POLR2D: variants seen among roughly 807,000 people sequenced by gnomAD.
POLR2D encodes RNA polymerase II subunit D.
A neutral mutation model predicts 17.6 loss-of-function variants in POLR2D; 10 were observed. That is an observed-to-expected ratio of 0.57 (90% confidence interval 0.35 to 0.96). The LOEUF is 0.96. POLR2D is among the 40% of genes least tolerant of loss of function. POLR2D has a pLI of 0.02. For missense variants in POLR2D, 126 were observed against 176.4 expected (o/e 0.71, Z 1.62); for synonymous variants, 52 against 60.2 (o/e 0.86, Z 0.63).
intron 2 of POLR2D, among the ~76,000 whole-genome samples, chr2:127,851,758 T>C (rs762796701): frequency 6.6e-6 from 1 of 152,172 alleles, no homozygotes; most frequent in African/African-American, 2.4e-5. Flanking sequence ...TATCTATCTA[T>C]AGGCTGGACA....
chr2:127,850,242 AC>A (rs768862306), intron 3 of POLR2D, among the ~76,000 whole-genome samples: 1 of 151,996 alleles, frequency 6.6e-6, no homozygotes, highest in African/African-American at 2.4e-5. Context: ...GGAGTTCGCG[AC>A]TAGCCTGACC....
At chr2:127,853,132 C>A in intron 1 of POLR2D, 27 bp from the exon 2 acceptor site, 1 of 1,565,426 alleles carries the variant, frequency 6.4e-7, no homozygotes, top group Non-Finnish European at 8.7e-7. Flanking sequence ...TAAATGGCAG[C>A]TGAAAATACT....
chr2:127,849,433 C>T (rs976920507), intron 3 of POLR2D, among the ~76,000 whole-genome samples: 50 of 152,262 alleles, frequency 3.3e-4, no homozygotes, highest in African/African-American at 1.2e-3. Flanking sequence ...CCACCATCCT[C>T]AATTTAGTAT....
Position 127,858,012 on chromosome 2 carries a change from C to G in POLR2D, c.73+16G>C. On this transcript the variant is annotated intron_variant, in intron 1 of 3. Transcript: ENST00000272645. ...CGCGAAGTGGCGCGGGGGAGTCTGG[C>G]AGCCCCGAGCCCAACCTTTAGGAAA... is the stretch of plus-strand genomic sequence containing the variant. 1.9e-6 allele frequency: 3 copies of G among 1,577,470 alleles called. No homozygotes were observed. Among genetic ancestry groups the G allele is most frequent in the Non-Finnish European group, 2.6e-6 (3 of 1,164,586 alleles).
intron 1 of POLR2D, chr2:127,857,779 G>A (rs889027821): frequency 2.3e-6 from 3 of 1,287,148 alleles, no homozygotes; most frequent in Admixed American, 4.3e-5. Flanking sequence ...CTGAGTGTCC[G>A]GCTTTGTTTA....
intron 1 of POLR2D, among the ~76,000 whole-genome samples, chr2:127,855,802 T>TAC (rs3836128): frequency 0.027 from 4,101 of 151,298 alleles, 80 homozygotes; most frequent in South Asian, 0.065. Context: ...CGCGCGCACA[T>TAC]ACACACACAC....
At position 127,852,950 on chromosome 2, in the gene POLR2D, T is replaced by C. The variant is rs1425292093; in HGVS notation, c.229A>G (p.Arg77Gly). The change falls in exon 2 of 4, where the codon AGA (arginine) becomes GGA (glycine). Residue 77 changes from arginine (R) to glycine (G), a missense_variant. Arg to Gly is a moderately radical substitution (Grantham distance 125). Around this residue, in one of 2 missense-constraint regions of POLR2D, gnomAD observed 85 missense variants for 151.4 expected, o/e 0.56. Transcript: ENST00000272645. The surrounding 1 kb of genome is among the most constrained non-coding windows in gnomAD (Gnocchi z 4.0). Reference sequence around the variant, plus strand: ...CTACGAACACTGGCAATGGTCTCTCTGTTTTTGAAACGACTGAAACGGGCT... The same window carrying C: ...CTACGAACACTGGCAATGGTCTCTCCGTTTTTGAAACGACTGAAACGGGCT... ...YTARFSRFKN[R>G]ETIASVRSLL... The C allele has an allele frequency of 3.7e-6, 6 of 1,613,880 alleles. No individual in the cohort carries two copies. The highest frequency in any genetic ancestry group is 4.2e-6 in the Non-Finnish European group (5 of 1,179,894).
chr2:127,845,645 G>C lies in POLR2D; in HGVS notation c.*2462C>G, dbSNP rs1392700637. The C allele has an allele frequency of 6.6e-6, 1 of 152,114 alleles. No homozygotes were observed. Among genetic ancestry groups the C allele is most frequent in the Non-Finnish European group, 1.5e-5 (1 of 68,044 alleles). The allele number at this position is 152,114 out of a possible 1,614,324, so 9.4% of individuals were successfully genotyped here. A position where few individuals can be genotyped will look rare whatever the true frequency, so the allele number is the denominator to read the frequency against. ...CTGCCTCGGCCTCTGAAAGCGCTGG[G>C]ATTACAAGGGTGAGCCACCACGCCT... On this transcript the variant is annotated 3_prime_UTR_variant, in exon 4 of 4. Coordinates refer to ENST00000272645, the MANE Select transcript of POLR2D (RefSeq NM_004805.4).
chr2:127,850,683 A>G lies in POLR2D; in HGVS notation c.257T>C (p.Leu86Ser). 1.4e-6 allele frequency: 2 copies of G among 1,476,102 alleles called. No homozygotes were observed. Among genetic ancestry groups the G allele is most frequent in the Admixed American group, 2.1e-5 (1 of 46,588 alleles). 91.4% of individuals were successfully genotyped at this position (1,476,102 alleles called of 1,614,324 possible). The part of the protein sequence containing the change: ...NRETIASVRS[L>S]LLQKKLHKFE... ...CTTATGAAGCTTTTTCTGGAGTAGC[A>G]AGCTAATCAAAAGGAAAAAAAAAAA... Residue 86 changes from leucine to serine, a missense_variant and splice_region_variant, in exon 3 of 4, where the codon TTG becomes TCG. Physicochemically the swap from Leu to Ser is moderately radical, Grantham distance 145. Transcript: ENST00000272645.
intron 1 of POLR2D, 116 bp from the exon 2 acceptor site, chr2:127,853,221 C>T: frequency 1.3e-6 from 1 of 796,274 alleles, no homozygotes; most frequent in South Asian, 1.7e-5. Context: ...GGGTTTCCTA[C>T]TCCACATCTG....
chr2:127,848,210 G>T, intron 3 of POLR2D, 25 bp from the exon 4 acceptor site: 2 of 1,504,576 alleles, frequency 1.3e-6, no homozygotes, highest in Non-Finnish European at 1.8e-6. Context: ...AAAGAAATGA[G>T]TGATTTGGCG....
chr2:127,853,178 T>A, intron 1 of POLR2D, 73 bp from the exon 2 acceptor site: 1 of 1,176,052 alleles, frequency 8.5e-7, no homozygotes, highest in Non-Finnish European at 1.2e-6. Flanking sequence ...TCACTGTGCA[T>A]TTGAACATTT....
At chr2:127,850,820 C>T in intron 2 of POLR2D, 135 bp from the exon 3 acceptor site, 1 of 596,234 alleles carries the variant, frequency 1.7e-6, no homozygotes, top group East Asian at 2.8e-5. Context: ...GGTGTAGTGG[C>T]TCACACCTGT....
rs540457725 is a variant in POLR2D, at chr2:127,854,115, C to CAA, written c.74-1012_74-1011dup. On this transcript the variant is annotated intron_variant, in intron 1 of 3. Transcript: ENST00000272645. ...GTCTGGAAATAAATATAATGTACCC[C>CAA]AAAATCTATTTTTGTGCACACACAA... Among the ~76,000 whole-genome samples the CAA allele has an allele frequency of 8.5e-5, 13 of 152,262 alleles. No homozygotes were observed. The South Asian group carries it at 2.7e-3, about 32-fold the overall frequency.
Position 127,853,193 on chromosome 2 carries a change from GC to G in POLR2D, c.74-89del, listed in dbSNP as rs1690277118. Reference sequence around the variant, plus strand: ...TCACTGTGCATTTGAACATTTCTCTGCCCCTGCAGAAATCGAGGGGTTTCCT... The same window carrying G: ...TCACTGTGCATTTGAACATTTCTCTGCCCTGCAGAAATCGAGGGGTTTCCT... On this transcript the variant is annotated intron_variant, in intron 1 of 3. Transcript: ENST00000272645. The G allele has an allele frequency of 5.6e-6, 6 of 1,070,822 alleles. No homozygotes were observed. In the Admixed American group the frequency reaches 1.4e-4, roughly 24 times the overall value. 66.3% of individuals were successfully genotyped at this position (1,070,822 alleles called of 1,614,324 possible). A position where few individuals can be genotyped will look rare whatever the true frequency, so the allele number is the denominator to read the frequency against.
In POLR2D at chr2:127,848,021, T is replaced by C. The variant is rs1690182930; in HGVS notation, c.*86A>G. On this transcript the variant is annotated 3_prime_UTR_variant, in exon 4 of 4. Coordinates refer to ENST00000272645, the MANE Select transcript of POLR2D (RefSeq NM_004805.4). The stretch of plus-strand genomic sequence containing the variant: ...GAATTCTCAACTGTCTTCAACAGAA[T>C]TTCTGTGCAAGTCAGCCCCAGACAG... The C allele has an allele frequency of 5.3e-6, 5 of 947,232 alleles. No individual in the cohort carries two copies. The highest frequency in any genetic ancestry group is 1.6e-5 in the African/African-American group (1 of 62,266). 58.7% of individuals were successfully genotyped at this position (947,232 alleles called of 1,614,324 possible).
rs563866324 is a variant in POLR2D at position 127,844,288 on chromosome 2, A to T, written c.*3819T>A. The T allele has an allele frequency of 1.3e-5, 2 of 152,264 alleles. No homozygotes were observed. Among genetic ancestry groups the T allele is most frequent in the Non-Finnish European group, 2.9e-5 (2 of 68,020 alleles). The allele number at this position is 152,264 out of a possible 1,614,324, so 9.4% of individuals were successfully genotyped here. A position where few individuals can be genotyped will look rare whatever the true frequency, so the allele number is the denominator to read the frequency against. The stretch of plus-strand genomic sequence containing the variant: ...CAGCCTCCAAAACTGTGAGAAATAA[A>T]TTCCTATTATTTATAGGTTACCCAG... On this transcript the variant is annotated 3_prime_UTR_variant, in exon 4 of 4. Coordinates refer to ENST00000272645, the MANE Select transcript of POLR2D (RefSeq NM_004805.4).
At position 127,846,756 on chromosome 2, in the gene POLR2D, G is replaced by C. The variant is rs1690162640; in HGVS notation, c.*1351C>G. On this transcript the variant is annotated 3_prime_UTR_variant, in exon 4 of 4. Coordinates refer to ENST00000272645, the MANE Select transcript of POLR2D (RefSeq NM_004805.4). The stretch of plus-strand genomic sequence containing the variant: ...TTATATGGGCTTTGGTGGAGGTCAT[G>C]GGGCAGCACCTGCAGGTCTACGTTG... The C allele has an allele frequency of 6.2e-6, 1 of 160,560 alleles. No individual in the cohort carries two copies. The highest frequency in any genetic ancestry group is 2.4e-5 in the African/African-American group (1 of 41,662). 9.9% of individuals were successfully genotyped at this position (160,560 alleles called of 1,614,324 possible). A position where few individuals can be genotyped will look rare whatever the true frequency, so the allele number is the denominator to read the frequency against.
Position 127,852,981 on chromosome 2 carries a change from G to C in POLR2D, c.198C>G (p.Asn66Lys), listed in dbSNP as rs758672688. The change falls in exon 2 of 4, where the codon AAC (asparagine) becomes AAG (lysine). Residue 66 changes from asparagine (N) to lysine (K), a missense_variant. Physicochemically the swap from Asn to Lys is moderately conservative, Grantham distance 94. Coordinates refer to ENST00000272645, the MANE Select transcript of POLR2D (RefSeq NM_004805.4). The surrounding 1 kb of genome is among the most constrained non-coding windows in gnomAD (Gnocchi z 4.0). ...ELSEVFMKTLNYTARFSRFKN... is the reference protein window; with the variant it reads ...ELSEVFMKTLKYTARFSRFKN... ...TGAAACGACTGAAACGGGCTGTGTAGTTTAATGTTTTCATGAAGACTTCTG... is the reference window on the plus strand; with the variant it reads ...TGAAACGACTGAAACGGGCTGTGTACTTTAATGTTTTCATGAAGACTTCTG... 1 of 1,614,022 alleles carries C rather than the reference G, an allele frequency of 6.2e-7. No individual in the cohort carries two copies. The highest frequency in any genetic ancestry group is 8.5e-7 in the Non-Finnish European group (1 of 1,179,882).
Sources: allele counts gnomAD v4.1 joint callset (sites outside exome capture counted in the v4.1 genomes callset), GRCh38; gene constraint gnomAD v4.1.1; regional missense constraint gnomAD v4.1.1; non-coding constraint Gnocchi (gnomAD v3.1); transcripts MANE v1.5; gene names NCBI Gene and HGNC (gene_info 2026-07-23, HGNC 2026-07-21).